Variants in MYT1L observed in about 807,000 individuals in gnomAD.
MYT1L encodes the protein myelin transcription factor 1 like.
Under a neutral mutation model 126.7 loss-of-function variants are expected in MYT1L, and 12 were observed. The ratio of observed to expected loss-of-function variants is 0.09; its 90% CI spans 0.06 to 0.15. The LOEUF (loss-of-function observed/expected upper bound fraction) is 0.15. MYT1L is among the 10% of genes least tolerant of loss of function. The pLI is 1.00. For missense variants in MYT1L, 979 were observed against 1,585.2 expected, an observed-to-expected ratio of 0.62 and a Z score of 6.49; for synonymous variants, 541 against 604.2, an observed-to-expected ratio of 0.90 and a Z score of 1.53.
chr2:2,257,331 A>G (rs1559478364), intron 2 of MYT1L, among the ~76,000 whole-genome samples: 1 of 152,180 alleles, frequency 6.6e-6, no homozygotes, highest in Non-Finnish European at 1.5e-5. Context: ...TTCTCTATCG[A>G]TGATGTCTTA....
chr2:2,295,565 CAG>C (rs60405946), intron 1 of MYT1L, among the ~76,000 whole-genome samples: 14,245 of 33,384 alleles, frequency 0.43, 2,587 homozygotes, highest in Middle Eastern at 0.48. Flanking sequence ...GACAGACAGA[CAG>C]AGAGAGAGAG....
intron 8 of MYT1L, among the ~76,000 whole-genome samples, chr2:1,954,053 C>T (rs901637658): frequency 2.6e-5 from 4 of 152,198 alleles, no homozygotes; most frequent in East Asian, 1.9e-4. Flanking sequence ...ACTAGTGCAA[C>T]ACCCTCAGGA....
intron 2 of MYT1L, among the ~76,000 whole-genome samples, chr2:2,268,482 A>G (rs1323809059): frequency 6.6e-6 from 1 of 152,150 alleles, no homozygotes; most frequent in Non-Finnish European, 1.5e-5. Flanking sequence ...TATGAAAATT[A>G]TTCATAAATT....
At chr2:2,118,534 G>T (rs142248251) in intron 3 of MYT1L, among the ~76,000 whole-genome samples, 150 of 152,240 alleles carry the variant, frequency 9.9e-4, no homozygotes, top group African/African-American at 3.3e-3. Context: ...CAATTACAAG[G>T]ATGCCTGTTA....
chr2:1,991,722 T>A (rs930024675), intron 5 of MYT1L, among the ~76,000 whole-genome samples: 2 of 152,132 alleles, frequency 1.3e-5, no homozygotes, highest in African/African-American at 4.8e-5. Context: ...TAACCTGCCC[T>A]CTCTCATGCA....
At chr2:2,259,881 G>T (rs1200160620) in intron 2 of MYT1L, among the ~76,000 whole-genome samples, 2 of 152,198 alleles carry the variant, frequency 1.3e-5, no homozygotes, top group Non-Finnish European at 2.9e-5. Flanking sequence ...AAAAAGATGT[G>T]CACAGCACTG....
chr2:1,885,300 A>T (rs1193199305), intron 18 of MYT1L: 1 of 152,742 alleles, frequency 6.5e-6, no homozygotes, highest in Admixed American at 6.5e-5. Context: ...CCGTTTTGAG[A>T]TCCTAAATCT....
intron 14 of MYT1L, among the ~76,000 whole-genome samples, chr2:1,900,696 A>G (rs972315161): frequency 3.9e-5 from 6 of 152,210 alleles, no homozygotes; most frequent in African/African-American, 1.4e-4. Context: ...TCCGTGTAAC[A>G]CTTGCGCCTC....
chr2:1,938,197 T>C (rs1177166394), intron 9 of MYT1L, among the ~76,000 whole-genome samples: 2 of 152,194 alleles, frequency 1.3e-5, no homozygotes, highest in Admixed American at 6.5e-5. Context: ...AAAGAATATA[T>C]GTATGTGTGT....
intron 4 of MYT1L, among the ~76,000 whole-genome samples, chr2:2,043,076 T>C (rs1175163506): frequency 2.0e-5 from 3 of 152,170 alleles, no homozygotes; most frequent in Non-Finnish European, 4.4e-5. Flanking sequence ...CACCCTGATG[T>C]GGCCCCAAGC....
chr2:2,209,429 C>A (rs193188670), intron 2 of MYT1L, among the ~76,000 whole-genome samples: 8 of 152,254 alleles, frequency 5.3e-5, no homozygotes, highest in African/African-American at 2.4e-5. Flanking sequence ...GGTAACCATC[C>A]TTCTACTCTA....
chr2:2,113,447 C>A (rs2079757071), intron 3 of MYT1L, among the ~76,000 whole-genome samples: 1 of 152,210 alleles, frequency 6.6e-6, no homozygotes, highest in Non-Finnish European at 1.5e-5. Flanking sequence ...CACTCCTGCA[C>A]CTGGAGGGGC....
intron 21 of MYT1L, chr2:1,828,377 G>A (rs906749946): frequency 1.3e-5 from 2 of 152,158 alleles, no homozygotes; most frequent in African/African-American, 4.8e-5. Context: ...GACACTGTGG[G>A]GTGGTTTTTA....
chr2:2,299,062 C>T (rs1372042739), intron 1 of MYT1L, among the ~76,000 whole-genome samples: 2 of 152,108 alleles, frequency 1.3e-5, no homozygotes, highest in African/African-American at 4.8e-5. Context: ...CCATGTTAGC[C>T]AGGATGGTCT....
chr2:1,806,094 A>C lies in MYT1L; in HGVS notation c.3172+2982T>G, dbSNP rs117694992. Among the ~76,000 whole-genome samples the C allele has an allele frequency of 8.8e-4, 134 of 152,260 alleles. 4 individuals carry two copies. The East Asian group carries it at 0.023, about 27-fold the overall frequency. On this transcript the variant is annotated intron_variant, in intron 22 of 24. Transcript: ENST00000647738. The surrounding 1 kb of genome is among the most constrained non-coding windows in gnomAD (Gnocchi z 4.9). ...CCTCTGTCCCCTGATGAGCAGCAGG[A>C]AAGGTCCCTGGACCCTTCCTGGATT...
chr2:1,863,231 T>C (rs1171714284), intron 18 of MYT1L, among the ~76,000 whole-genome samples: 1 of 152,076 alleles, frequency 6.6e-6, no homozygotes, highest in East Asian at 1.9e-4. Flanking sequence ...GAGTGTGGAG[T>C]GTGCTGTTTT....
intron 2 of MYT1L, among the ~76,000 whole-genome samples, chr2:2,203,132 A>G (rs2093159687): frequency 6.7e-6 from 1 of 148,770 alleles, no homozygotes; most frequent in African/African-American, 2.5e-5. Flanking sequence ...TCAAAATAAT[A>G]AGAGCTATTT....
intron 23 of MYT1L, among the ~76,000 whole-genome samples, chr2:1,796,178 G>A (rs956012735): frequency 3.9e-5 from 6 of 152,234 alleles, no homozygotes; most frequent in East Asian, 1.9e-4. Context: ...ACACAGCTGC[G>A]TGGTCCAGAA....
rs377153252 is a variant in MYT1L at position 2,157,898 on chromosome 2, C to T, written c.-304+14974G>A. On this transcript the variant is annotated intron_variant, in intron 3 of 24. Coordinates refer to ENST00000647738, the MANE Select transcript of MYT1L (RefSeq NM_001303052.2). Reference sequence around the variant, plus strand: ...GTCTTATGTCCCTAAATTTTCATAGCAGACAACGGATCCACAGAGCCAGAC... The same window carrying T: ...GTCTTATGTCCCTAAATTTTCATAGTAGACAACGGATCCACAGAGCCAGAC... 1.6e-4 allele frequency among the ~76,000 whole-genome samples: 24 copies of T among 152,250 alleles called. No homozygotes were observed. In the South Asian group the frequency reaches 1.9e-3, roughly 12 times the overall value.
Sources: gnomAD v4.1 joint callset for allele counts (sites outside exome capture counted in the v4.1 genomes callset) on GRCh38, gnomAD v4.1.1 for gene constraint, Gnocchi (gnomAD v3.1) non-coding constraint, MANE v1.5 for transcripts, NCBI Gene and HGNC (gene_info 2026-07-23, HGNC 2026-07-21) for gene names.